Variants in NEK6 observed in about 807,000 individuals in gnomAD.
NEK6 encodes serine/threonine-protein kinase Nek6.
A neutral mutation model predicts 43.5 loss-of-function variants in NEK6; 27 were observed. That is an observed-to-expected ratio of 0.62 (90% CI 0.46 to 0.86). NEK6 has a LOEUF of 0.86. Ranked by LOEUF, NEK6 falls within the 40% of genes least tolerant of loss-of-function variation. NEK6 has a pLI of 0.00. For missense variants in NEK6, 318 were observed against 414.4 expected (o/e 0.77, Z 2.02); for synonymous variants, 167 against 164.1 (o/e 1.02, Z -0.14).
At chr9:124,334,478 A>G (rs1211202496) in intron 7 of NEK6, among the ~76,000 whole-genome samples, 2 of 152,174 alleles carry the variant, frequency 1.3e-5, no homozygotes, top group Non-Finnish European at 2.9e-5. Flanking sequence ...AGGTGAAGAG[A>G]GGAGGGGACG....
chr9:124,263,991 A>T (rs1298914363), intron 1 of NEK6, among the ~76,000 whole-genome samples: 1 of 152,238 alleles, frequency 6.6e-6, no homozygotes, highest in Non-Finnish European at 1.5e-5. Flanking sequence ...TTATTTACAC[A>T]GCGTCGGCCC....
Position 124,289,187 on chromosome 9 carries a change from CCA to C in NEK6, c.-29-12699_-29-12698del, listed in dbSNP as rs60402648. ...TGGACACCCCCCCCGCCCCCCCCCG[CCA>C]CACACACACACACACACACACACAC... On this transcript the variant is annotated intron_variant, in intron 1 of 9. Transcript: ENST00000320246. Among the ~76,000 whole-genome samples the C allele has an allele frequency of 5.1e-3, 233 of 45,932 alleles. 5 individuals are homozygous for C. The highest frequency in any genetic ancestry group is 0.021 in the African/African-American group (165 of 7,886). The allele number at this position is 45,932 out of a possible 152,430, so 30.1% of individuals were successfully genotyped here. A position where few individuals can be genotyped will look rare whatever the true frequency, so the allele number is the denominator to read the frequency against.
At chr9:124,293,802 G>T (rs575512322) in intron 1 of NEK6, among the ~76,000 whole-genome samples, 5 of 152,224 alleles carry the variant, frequency 3.3e-5, no homozygotes, top group Non-Finnish European at 5.9e-5. Context: ...GACCGCGAAG[G>T]TCAGTCCCTG....
intron 2 of NEK6, among the ~76,000 whole-genome samples, chr9:124,310,178 G>A (rs1833459289): frequency 6.6e-6 from 1 of 152,214 alleles, no homozygotes; most frequent in African/African-American, 2.4e-5. Context: ...TTTGCTGCCT[G>A]ATCAGAACAG....
chr9:124,316,070 C>T (rs144130761), intron 4 of NEK6, among the ~76,000 whole-genome samples: 26 of 152,366 alleles, frequency 1.7e-4, no homozygotes, highest in Admixed American at 4.6e-4. Flanking sequence ...TTCCCGAACA[C>T]GGGTCCCACT....
At chr9:124,292,539 G>A in intron 1 of NEK6, 1 of 1,536,964 alleles carries the variant, frequency 6.5e-7, no homozygotes, top group Non-Finnish European at 8.7e-7. Flanking sequence ...TGGGACCCAG[G>A]GTGAGTTTTT....
intron 2 of NEK6, among the ~76,000 whole-genome samples, chr9:124,303,905 C>T (rs938987310): frequency 6.6e-6 from 1 of 152,252 alleles, no homozygotes; most frequent in Admixed American, 6.5e-5. Context: ...TTAATTACAA[C>T]CTCATTTGGC....
chr9:124,313,773 C>A lies in NEK6; in HGVS notation c.232-150C>A, dbSNP rs761180459. ...CTGGGGGGACCCACAGTGAGCAAGCCCTACAGGGGCTGGGAGTGCAGGGGG... is the reference window on the plus strand; with the variant it reads ...CTGGGGGGACCCACAGTGAGCAAGCACTACAGGGGCTGGGAGTGCAGGGGG... On this transcript the variant is annotated intron_variant, in intron 3 of 9. Coordinates refer to ENST00000320246, the MANE Select transcript of NEK6 (RefSeq NM_014397.6). 12 of 709,648 alleles carry A rather than the reference C, an allele frequency of 1.7e-5. No homozygotes were observed. In the Admixed American group the frequency reaches 2.5e-4, roughly 15 times the overall value. The allele number at this position is 709,648 out of a possible 1,614,324, so 44.0% of individuals were successfully genotyped here.
intron 5 of NEK6, 120 bp downstream of exon 5, chr9:124,321,689 A>C (rs1390821816): frequency 3.0e-6 from 2 of 663,816 alleles, no homozygotes; most frequent in Non-Finnish European, 5.2e-6. Context: ...CCACCCGGGG[A>C]CCCTGGGCGC....
chr9:124,302,094 C>T (rs1209551519), intron 2 of NEK6, 40 bp downstream of exon 2: 1 of 1,440,650 alleles, frequency 6.9e-7, no homozygotes, highest in African/African-American at 1.4e-5. Context: ...CTGAAGAGTT[C>T]CCAAGGAATA....
intron 2 of NEK6, among the ~76,000 whole-genome samples, chr9:124,311,545 T>A (rs1833525317): frequency 6.6e-6 from 1 of 152,174 alleles, no homozygotes; most frequent in Admixed American, 6.5e-5. Flanking sequence ...CACTGTGGTC[T>A]CACCTGGAGG....
chr9:124,312,710 G>T, intron 3 of NEK6, 61 bp downstream of exon 3: 1 of 1,544,306 alleles, frequency 6.5e-7, no homozygotes, highest in East Asian at 2.3e-5. Context: ...GCATCTGGAC[G>T]GGGTGCCCGG....
At chr9:124,331,355 G>A (rs911364466) in intron 7 of NEK6, among the ~76,000 whole-genome samples, 2 of 151,928 alleles carry the variant, frequency 1.3e-5, no homozygotes, top group Non-Finnish European at 2.9e-5. Flanking sequence ...GGAAACTGAG[G>A]CCCAGGGAAG....
At chr9:124,285,574 C>A (rs1297478232) in intron 1 of NEK6, among the ~76,000 whole-genome samples, 1 of 152,140 alleles carries the variant, frequency 6.6e-6, no homozygotes, top group African/African-American at 2.4e-5. Context: ...AATCAGAGTT[C>A]ATGGAAGAGG....
intron 3 of NEK6, among the ~76,000 whole-genome samples, chr9:124,313,470 C>T (rs527561658): frequency 6.6e-6 from 1 of 152,156 alleles, no homozygotes; most frequent in African/African-American, 2.4e-5. Flanking sequence ...CGGGTTCAAG[C>T]GATTCTCCTG....
rs569557474 is a variant in NEK6 at position 124,292,806 on chromosome 9, G to A, written c.-29-9130G>A. The A allele has an allele frequency of 7.8e-6, 11 of 1,410,924 alleles. No individual in the cohort carries two copies. The East Asian group carries it at 2.5e-4, about 33-fold the overall frequency. The allele number at this position is 1,410,924 out of a possible 1,614,324, so 87.4% of individuals were successfully genotyped here. On this transcript the variant is annotated intron_variant, in intron 1 of 9. Coordinates refer to ENST00000320246, the MANE Select transcript of NEK6 (RefSeq NM_014397.6). ...CTGCCAACTGCTGGGGCCATGGAGA[G>A]AGTGGTTTAGTCTCTACCCTCAAGG... is the stretch of plus-strand genomic sequence containing the variant.
intron 7 of NEK6, among the ~76,000 whole-genome samples, chr9:124,329,558 A>T (rs1323008903): frequency 6.6e-6 from 1 of 152,240 alleles, no homozygotes; most frequent in Non-Finnish European, 1.5e-5. Context: ...ACCAGGCCAC[A>T]TGATGGGTGG....
At position 124,350,878 on chromosome 9, in the gene NEK6, C is replaced by T. The variant is rs1265162666; in HGVS notation, c.873C>T (p.His291=). The T allele has an allele frequency of 6.2e-7, 1 of 1,612,706 alleles. No individual in the cohort carries two copies. The highest frequency in any genetic ancestry group is 1.3e-5 in the African/African-American group (1 of 74,940). ...LVSMCICPDP[H]QRPDIGYVHQ... ...GCATGTGCATCTGCCCTGACCCCCACCAGAGACCTGACATCGGATACGTGC... is the reference window on the plus strand; with the variant it reads ...GCATGTGCATCTGCCCTGACCCCCATCAGAGACCTGACATCGGATACGTGC... The change falls in exon 10 of 10, where the codon CAC becomes CAT. Residue 291 remains histidine, a synonymous_variant. Coordinates refer to ENST00000320246, the MANE Select transcript of NEK6 (RefSeq NM_014397.6).
chr9:124,339,736 T>A (rs1300895999), intron 8 of NEK6, 71 bp downstream of exon 8: 1 of 1,109,602 alleles, frequency 9.0e-7, no homozygotes, highest in Admixed American at 1.7e-5. Flanking sequence ...AGGACAGGGC[T>A]CACCCTACCA....
Sources: gnomAD v4.1 joint callset for allele counts (sites outside exome capture counted in the v4.1 genomes callset) on GRCh38, gnomAD v4.1.1 for gene constraint, MANE v1.5 for transcripts, NCBI Gene and HGNC (gene_info 2026-07-23, HGNC 2026-07-21) for gene names.